ZBTB20: variants seen among roughly 807,000 people sequenced by gnomAD.
The protein encoded by ZBTB20 is zinc finger and BTB domain containing 20.
Under a neutral mutation model 56.9 loss-of-function variants are expected in ZBTB20, and 9 were observed. The observed-to-expected ratio is 0.16, with a 90% CI of 0.10 to 0.28. ZBTB20 has a LOEUF of 0.28. Among genes scored for constraint, ZBTB20 ranks in the 10% least tolerant of loss-of-function variants. ZBTB20 has a pLI of 1.00. For synonymous variants in ZBTB20, 417 were observed against 420.7 expected (o/e 0.99, Z 0.11); for missense variants, 655 against 1,003.0 (o/e 0.65, Z 4.69).
At chr3:114,607,990 A>G (rs1346264905) in intron 6 of ZBTB20, among the ~76,000 whole-genome samples, 1 of 152,202 alleles carries the variant, frequency 6.6e-6, no homozygotes, top group Non-Finnish European at 1.5e-5. Flanking sequence ...GAGAAGGTAC[A>G]TACTGATATA....
chr3:114,961,067 G>A (rs1299825479), intron 3 of ZBTB20, among the ~76,000 whole-genome samples: 3 of 151,222 alleles, frequency 2.0e-5, no homozygotes, highest in African/African-American at 7.3e-5. Flanking sequence ...TGGAAATAGA[G>A]AGTAGAAACA....
In ZBTB20 at chr3:114,880,401, G is replaced by GAA. The variant is rs540457113; in HGVS notation, c.-417+19902_-417+19903insTT. On this transcript the variant is annotated intron_variant, in intron 4 of 11. Transcript: ENST00000675478. ...TTGTATTCATTCTTCCCAGACCACT[G>GAA]AGAGTTTTTCTTTGAACCATATTAA... 1.8e-3 allele frequency among the ~76,000 whole-genome samples: 274 copies of GAA among 152,226 alleles called. 2 individuals are homozygous for GAA. In the Middle Eastern group the frequency reaches 0.041, roughly 23 times the overall value.
intron 7 of ZBTB20, among the ~76,000 whole-genome samples, chr3:114,483,567 C>A (rs1332060281): frequency 6.6e-6 from 1 of 152,016 alleles, no homozygotes; most frequent in Non-Finnish European, 1.5e-5. Context: ...GAATCCAATT[C>A]AATTATTTAC....
intron 6 of ZBTB20, among the ~76,000 whole-genome samples, chr3:114,558,579 T>G (rs2051567158): frequency 6.6e-6 from 1 of 152,112 alleles, no homozygotes; most frequent in African/African-American, 2.4e-5. Flanking sequence ...TACACTGCCA[T>G]GAGATTAATT....
At chr3:114,511,631 A>G (rs1298785317) in intron 6 of ZBTB20, among the ~76,000 whole-genome samples, 2 of 152,110 alleles carry the variant, frequency 1.3e-5, no homozygotes, top group East Asian at 3.9e-4. Context: ...AGTTCAGTGA[A>G]CAGTTAGTAC....
At chr3:115,020,372 A>C (rs1287387122) in intron 2 of ZBTB20, among the ~76,000 whole-genome samples, 2 of 151,154 alleles carry the variant, frequency 1.3e-5, no homozygotes, top group East Asian at 3.9e-4. Context: ...GTTTTGTTAA[A>C]TCCCATGAAA....
At chr3:114,915,059 T>C (rs536479264) in intron 3 of ZBTB20, among the ~76,000 whole-genome samples, 1 of 151,748 alleles carries the variant, frequency 6.6e-6, no homozygotes, top group African/African-American at 2.4e-5. Flanking sequence ...AAATGTGTCT[T>C]TGGTTTTGGT....
At chr3:114,392,399 A>G (rs2085958030) in intron 7 of ZBTB20, among the ~76,000 whole-genome samples, 1 of 152,194 alleles carries the variant, frequency 6.6e-6, no homozygotes, top group Non-Finnish European at 1.5e-5. Context: ...CCAGAAATAT[A>G]TACACCTACT....
intron 6 of ZBTB20, among the ~76,000 whole-genome samples, chr3:114,637,167 G>C (rs2059325035): frequency 6.6e-6 from 1 of 151,952 alleles, no homozygotes; most frequent in African/African-American, 2.4e-5. Flanking sequence ...GGATCCTTTT[G>C]ATTGGAATCC....
At chr3:114,857,768 A>G (rs540366485) in intron 4 of ZBTB20, among the ~76,000 whole-genome samples, 52 of 152,216 alleles carry the variant, frequency 3.4e-4, no homozygotes, top group Non-Finnish European at 6.8e-4. Context: ...CCTCCCCTGT[A>G]TGGTGGCCAT....
chr3:114,793,042 AT>A (rs1251766454), intron 5 of ZBTB20, among the ~76,000 whole-genome samples: 1 of 151,090 alleles, frequency 6.6e-6, no homozygotes, highest in Non-Finnish European at 1.5e-5. Flanking sequence ...TCCCCAGCTA[AT>A]TTTTTTTATA....
chr3:114,362,806 G>A (rs545609019), intron 10 of ZBTB20, among the ~76,000 whole-genome samples: 1 of 152,320 alleles, frequency 6.6e-6, no homozygotes, highest in Non-Finnish European at 1.5e-5. Context: ...ACCAATCTAT[G>A]ATGTGATAGA....
intron 2 of ZBTB20, among the ~76,000 whole-genome samples, chr3:114,990,376 T>G (rs2078748426): frequency 6.6e-6 from 1 of 152,116 alleles, no homozygotes; most frequent in East Asian, 1.9e-4. Flanking sequence ...GGTTTTTGTC[T>G]TTGGTTCTGT....
At chr3:114,789,590 G>A (rs980315828) in intron 5 of ZBTB20, among the ~76,000 whole-genome samples, 10 of 152,090 alleles carry the variant, frequency 6.6e-5, no homozygotes, top group South Asian at 2.1e-4. Context: ...TTTAAAAGCC[G>A]GTTAGGGCCT....
chr3:114,630,008 T>C (rs2058855339), intron 6 of ZBTB20, among the ~76,000 whole-genome samples: 2 of 151,866 alleles, frequency 1.3e-5, no homozygotes, highest in South Asian at 4.2e-4. Context: ...AGCATGATGG[T>C]GTGTGCCTGC....
chr3:114,534,377 C>CA (rs1379318632), intron 6 of ZBTB20, among the ~76,000 whole-genome samples: 1 of 151,980 alleles, frequency 6.6e-6, no homozygotes, highest in Non-Finnish European at 1.5e-5. Context: ...CAATAAAGAT[C>CA]AAAAAAGACA....
chr3:114,546,667 G>A (rs974321285), intron 6 of ZBTB20, among the ~76,000 whole-genome samples: 2 of 151,504 alleles, frequency 1.3e-5, no homozygotes, highest in African/African-American at 4.9e-5. Context: ...AAAGTTGCAC[G>A]TGGAGAATTC....
intron 7 of ZBTB20, among the ~76,000 whole-genome samples, chr3:114,409,319 A>G (rs1045663416): frequency 2.0e-5 from 3 of 152,066 alleles, no homozygotes; most frequent in African/African-American, 7.2e-5. Flanking sequence ...GTGGAAAGCA[A>G]GCAGGCACGA....
intron 6 of ZBTB20, among the ~76,000 whole-genome samples, chr3:114,554,329 C>T (rs2050937682): frequency 6.6e-6 from 1 of 152,112 alleles, no homozygotes; most frequent in Non-Finnish European, 1.5e-5. Context: ...ATATAATCTT[C>T]CCACGTTACT....
Sources: allele counts gnomAD v4.1 joint callset (sites outside exome capture counted in the v4.1 genomes callset), GRCh38; gene constraint gnomAD v4.1.1; transcripts MANE v1.5; gene names NCBI Gene and HGNC (gene_info 2026-07-23, HGNC 2026-07-21).